Variants in TMEM232 observed in about 807,000 individuals in gnomAD.
The protein encoded by TMEM232 is transmembrane protein 232.
Under a neutral mutation model 78.8 loss-of-function variants are expected in TMEM232, and 80 were observed. That is an observed-to-expected ratio of 1.01 (90% confidence interval 0.85 to 1.22). The LOEUF is 1.22. TMEM232 is among the 50% of genes most tolerant of loss of function. The pLI is 0.00. For missense variants in TMEM232, 881 were observed against 742.2 expected (o/e 1.19, Z -2.17); for synonymous variants, 297 against 254.3 (o/e 1.17, Z -1.60).
At chr5:110,529,830 G>T (rs1257388609) in intron 11 of TMEM232, among the ~76,000 whole-genome samples, 2 of 152,080 alleles carry the variant, frequency 1.3e-5, no homozygotes, top group East Asian at 3.9e-4. Context: ...GCAGGAATCA[G>T]CAATAATAAA....
chr5:110,606,498 A>C (rs1781561151), intron 8 of TMEM232, among the ~76,000 whole-genome samples: 1 of 152,068 alleles, frequency 6.6e-6, no homozygotes, highest in Non-Finnish European at 1.5e-5. Context: ...AGTTCAGAGT[A>C]GTGCTCTGAC....
intron 2 of TMEM232, among the ~76,000 whole-genome samples, chr5:110,733,613 A>G (rs757098017): frequency 6.6e-6 from 1 of 152,214 alleles, no homozygotes; most frequent in African/African-American, 2.4e-5. Context: ...GTTCTCACTT[A>G]TAAGTGGAAG....
At chr5:110,641,050 T>A in intron 3 of TMEM232, 54 bp from the exon 4 acceptor site, 1 of 1,135,826 alleles carries the variant, frequency 8.8e-7, no homozygotes, top group Non-Finnish European at 1.2e-6. Context: ...TTTTTATATA[T>A]ATATTTATTT....
chr5:110,711,475 C>T (rs781070412), intron 1 of TMEM232, among the ~76,000 whole-genome samples: 1 of 152,070 alleles, frequency 6.6e-6, no homozygotes, highest in Non-Finnish European at 1.5e-5. Flanking sequence ...GAAAAAAGAA[C>T]AAAATTGGAG....
At chr5:110,561,048 T>C (rs1279603568) in intron 11 of TMEM232, among the ~76,000 whole-genome samples, 1 of 152,164 alleles carries the variant, frequency 6.6e-6, no homozygotes, top group Non-Finnish European at 1.5e-5. Flanking sequence ...GGAAGTATAA[T>C]GAAGCCAGAA....
At chr5:110,723,417 A>G (rs968956722) in intron 1 of TMEM232, among the ~76,000 whole-genome samples, 1 of 152,172 alleles carries the variant, frequency 6.6e-6, no homozygotes, top group Non-Finnish European at 1.5e-5. Context: ...GAGTTCAAAT[A>G]TAATAAATCA....
chr5:110,472,244 G>T (rs1297203085), intron 12 of TMEM232, among the ~76,000 whole-genome samples: 1 of 151,872 alleles, frequency 6.6e-6, no homozygotes, highest in African/African-American at 2.4e-5. Context: ...ATTTTTACAT[G>T]CTAATGATGA....
intron 2 of TMEM232, among the ~76,000 whole-genome samples, chr5:110,652,313 C>CACACAT (rs1788453723): frequency 6.6e-6 from 1 of 152,096 alleles, no homozygotes; most frequent in African/African-American, 2.4e-5. Flanking sequence ...CACACACACA[C>CACACAT]ACACACACTA....
rs1157124541 is a variant in TMEM232 at position 110,411,307 on chromosome 5, A to G, written n.309-13453T>C. On this transcript the variant is annotated intron_variant and non_coding_transcript_variant, in intron 2 of 8. Transcript: ENST00000507188. The stretch of plus-strand genomic sequence containing the variant: ...ACCAATATTTTATTTTCTGTTTTCC[A>G]CTCTTTTCCAGGGGTTCAATGGTGT... 3.3e-5 allele frequency among the ~76,000 whole-genome samples: 5 copies of G among 151,596 alleles called. No individual in the cohort carries two copies. The East Asian group carries it at 7.7e-4, about 23-fold the overall frequency.
intron 12 of TMEM232, among the ~76,000 whole-genome samples, chr5:110,500,900 A>G (rs777543538): frequency 6.6e-6 from 1 of 152,180 alleles, no homozygotes; most frequent in Non-Finnish European, 1.5e-5. Context: ...TTTCATCTAG[A>G]TATATAAATA....
At chr5:110,475,733 G>A (rs540985630) in intron 12 of TMEM232, among the ~76,000 whole-genome samples, 2 of 151,872 alleles carry the variant, frequency 1.3e-5, no homozygotes, top group Non-Finnish European at 2.9e-5. Flanking sequence ...GAACTCTGCA[G>A]ATATCCAGAG....
At chr5:110,708,037 G>C (rs768084786) in intron 1 of TMEM232, among the ~76,000 whole-genome samples, 3 of 152,138 alleles carry the variant, frequency 2.0e-5, no homozygotes, top group Non-Finnish European at 4.4e-5. Context: ...CATGAGCCTT[G>C]GGTGAGACTC....
chr5:110,636,732 C>T (rs1785892789), intron 5 of TMEM232, among the ~76,000 whole-genome samples: 2 of 151,980 alleles, frequency 1.3e-5, no homozygotes, highest in African/African-American at 4.8e-5. Context: ...TATGTGAAAT[C>T]ATGAATAATC....
At chr5:110,704,209 A>T (rs935958739) in intron 1 of TMEM232, among the ~76,000 whole-genome samples, 2 of 152,112 alleles carry the variant, frequency 1.3e-5, no homozygotes, top group African/African-American at 4.8e-5. Context: ...CATCAACTAA[A>T]GGGTTCACCT....
At chr5:110,618,286 T>C in intron 8 of TMEM232, 143 bp downstream of exon 8, 1 of 1,000,048 alleles carries the variant, frequency 1.0e-6, no homozygotes, top group South Asian at 1.7e-5. Context: ...AACATGTAAA[T>C]TGCCATTGCC....
chr5:110,712,113 A>T (rs1384963528), intron 1 of TMEM232, among the ~76,000 whole-genome samples: 6 of 150,582 alleles, frequency 4.0e-5, no homozygotes, highest in South Asian at 2.1e-4. Flanking sequence ...CTCAAAAAAA[A>T]AAAAAAAAAA....
chr5:110,714,841 A>AG (rs1196191618), intron 1 of TMEM232, among the ~76,000 whole-genome samples: 3 of 152,192 alleles, frequency 2.0e-5, no homozygotes, highest in Non-Finnish European at 4.4e-5. Context: ...TTAAATCTAG[A>AG]GAAAAAGGAC....
chr5:110,505,090 A>T (rs553583838), intron 12 of TMEM232, among the ~76,000 whole-genome samples: 25 of 152,290 alleles, frequency 1.6e-4, no homozygotes, highest in Middle Eastern at 3.4e-3. Context: ...AGTTTTCCAT[A>T]ACCAAACTGG....
downstream of TMEM232, among the ~76,000 whole-genome samples, chr5:110,418,912 T>C (rs2112597677): frequency 6.6e-6 from 1 of 152,256 alleles, no homozygotes; most frequent in African/African-American, 2.4e-5. Flanking sequence ...ACCTTAGAGC[T>C]TAGTTGTTAT....
Sources: gnomAD v4.1 joint callset for allele counts (sites outside exome capture counted in the v4.1 genomes callset) on GRCh38, gnomAD v4.1.1 for gene constraint, MANE v1.5 for transcripts, NCBI Gene and HGNC (gene_info 2026-07-23, HGNC 2026-07-21) for gene names.